Variants in OR1J2 observed in about 807,000 individuals in gnomAD.
OR1J2 encodes the protein olfactory receptor family 1 subfamily J member 2.
For synonymous variants in OR1J2, 142 were observed against 99.7 expected (o/e 1.42, Z -2.52); for missense variants, 304 against 246.1 (o/e 1.24, Z -1.57).
chr9:122,480,189 TA>T, the OR1J2 span, among the ~76,000 whole-genome samples: 1 of 152,010 alleles, frequency 6.6e-6, no homozygotes. Flanking sequence ...TTAAAACAAA[TA>T]AATATTTGCA....
the OR1J2 span, among the ~76,000 whole-genome samples, chr9:122,561,575 A>G: frequency 6.6e-6 from 1 of 151,646 alleles, no homozygotes; most frequent in African/African-American, 2.4e-5. Flanking sequence ...TTTTTCTTTC[A>G]GTGGTCAGGT....
the OR1J2 span, among the ~76,000 whole-genome samples, chr9:122,572,570 T>G: frequency 7.5e-6 from 1 of 133,878 alleles, no homozygotes. Flanking sequence ...TTTTTTGGTT[T>G]TGGGTTTGGT....
chr9:122,506,719 T>C (rs1828528192), upstream of OR1J2, among the ~76,000 whole-genome samples: 1 of 151,240 alleles, frequency 6.6e-6, no homozygotes, highest in South Asian at 2.1e-4. Context: ...AGAGATAGAA[T>C]GTAAAAAGAC....
At chr9:122,481,974 C>T in the OR1J2 span, among the ~76,000 whole-genome samples, 1 of 151,882 alleles carries the variant, frequency 6.6e-6, no homozygotes, top group Non-Finnish European at 1.5e-5. Context: ...TTGACAAGAG[C>T]TCAAAAGCAC....
upstream of OR1J2, among the ~76,000 whole-genome samples, chr9:122,509,729 G>A (rs1828595693): frequency 6.6e-6 from 1 of 152,120 alleles, no homozygotes; most frequent in African/African-American, 2.4e-5. Flanking sequence ...GTTTTGCAGG[G>A]CCTTTAAGCC....
the OR1J2 span, among the ~76,000 whole-genome samples, chr9:122,497,453 G>A: frequency 1.2e-3 from 180 of 152,284 alleles, no homozygotes; most frequent in African/African-American, 4.2e-3. Flanking sequence ...TAGTTTGTGT[G>A]TGTAGAGGTA....
the OR1J2 span, among the ~76,000 whole-genome samples, chr9:122,574,817 T>C: frequency 1.3e-5 from 2 of 152,052 alleles, no homozygotes; most frequent in African/African-American, 2.4e-5. Context: ...ATAATGTTAG[T>C]TGTAGGATTT....
chr9:122,577,118 A>G, the OR1J2 span, among the ~76,000 whole-genome samples: 3 of 152,228 alleles, frequency 2.0e-5, no homozygotes, highest in Non-Finnish European at 4.4e-5. Context: ...ATATGCTTCT[A>G]GGAAATAAAT....
At chr9:122,545,600 G>A in the OR1J2 span, among the ~76,000 whole-genome samples, 1 of 151,900 alleles carries the variant, frequency 6.6e-6, no homozygotes, top group African/African-American at 2.4e-5. Flanking sequence ...TCTTTGTCTT[G>A]AAGTCTATAT....
At chr9:122,469,167 A>G in the OR1J2 span, among the ~76,000 whole-genome samples, 11 of 152,350 alleles carry the variant, frequency 7.2e-5, no homozygotes, top group Admixed American at 3.3e-4. Flanking sequence ...AGGAAAGACA[A>G]TGTTTATGTA....
the OR1J2 span, among the ~76,000 whole-genome samples, chr9:122,570,365 A>G: frequency 6.6e-6 from 1 of 152,200 alleles, no homozygotes; most frequent in South Asian, 2.1e-4. Flanking sequence ...TTACAGCAGT[A>G]TATTCTTTTA....
chr9:122,550,924 GAAAAA>G, the OR1J2 span, among the ~76,000 whole-genome samples: 45 of 142,688 alleles, frequency 3.2e-4, no homozygotes, highest in South Asian at 7.5e-3. Flanking sequence ...AACAATCAGG[GAAAAA>G]AAAAAAAGAC....
the OR1J2 span, among the ~76,000 whole-genome samples, chr9:122,551,845 G>A: frequency 6.6e-6 from 1 of 152,006 alleles, no homozygotes; most frequent in Non-Finnish European, 1.5e-5. Context: ...AGCTGAAATC[G>A]AGCCATACAC....
the OR1J2 span, chr9:122,568,376 G>A: frequency 1.1e-5 from 17 of 1,613,568 alleles, no homozygotes; most frequent in African/African-American, 5.3e-5. Flanking sequence ...CCAGGTACAC[G>A]ATGAGGAAGA....
At chr9:122,563,508 A>G in the OR1J2 span, among the ~76,000 whole-genome samples, 46 of 152,178 alleles carry the variant, frequency 3.0e-4, no homozygotes, top group African/African-American at 1.1e-3. Flanking sequence ...TATTCCACAT[A>G]TTAACCTCTT....
At chr9:122,553,714 G>A in the OR1J2 span, 91 of 1,613,826 alleles carry the variant, frequency 5.6e-5, no homozygotes, top group Admixed American at 8.3e-5. Context: ...TTGCTGACCC[G>A]CGTGGCTTTC....
At chr9:122,504,500 G>A in the OR1J2 span, among the ~76,000 whole-genome samples, 1 of 152,046 alleles carries the variant, frequency 6.6e-6, no homozygotes. Context: ...TGTGATGTGT[G>A]CTGTCTTCAA....
At chr9:122,554,041 C>T in the OR1J2 span, 1 of 1,613,726 alleles carries the variant, frequency 6.2e-7, no homozygotes. Flanking sequence ...GAAAGTAGGG[C>T]TGCTGTTCTC....
chr9:122,517,535 CT>C, the OR1J2 span, among the ~76,000 whole-genome samples: 1 of 152,192 alleles, frequency 6.6e-6, no homozygotes, highest in Non-Finnish European at 1.5e-5. Flanking sequence ...CAATTAAGAA[CT>C]GTTATAATGA....
Sources: allele counts gnomAD v4.1 joint callset (sites outside exome capture counted in the v4.1 genomes callset), GRCh38; gene constraint gnomAD v4.1.1; transcripts MANE v1.5; gene names NCBI Gene and HGNC (gene_info 2026-07-23, HGNC 2026-07-21).